Variants in ACER3 observed in about 807,000 individuals in gnomAD.
ACER3 encodes alkCDase 3.
ACER3 carries 16 observed loss-of-function variants against 48.9 expected under a neutral mutation model. The ratio of observed to expected loss-of-function variants is 0.33; its 90% confidence interval spans 0.22 to 0.50. The LOEUF is 0.50. ACER3 is among the 20% of genes least tolerant of loss of function. The pLI, the probability that ACER3 is intolerant of heterozygous loss-of-function variation, is 0.98. For missense variants in ACER3, 227 were observed against 326.0 expected (o/e 0.70, Z 2.34); for synonymous variants, 109 against 107.8 (o/e 1.01, Z -0.07).
rs79316237 is a variant in ACER3, at chr11:76,985,680, C to T, written c.358C>T (p.His120Tyr). Reference sequence around the variant, plus strand: ...CAAGATCAAGAACTCAGTAAACTACCATCTGCTTTTTACCTTAGTTCTATT... The same window carrying T: ...CAAGATCAAGAACTCAGTAAACTACTATCTGCTTTTTACCTTAGTTCTATT... ...CFKIKNSVNY[H>Y]LLFTLVLFSL... is the part of the protein sequence containing the mutation. Residue 120 changes from histidine to tyrosine, a missense_variant, in exon 5 of 11, where the codon CAT (histidine) becomes TAT (tyrosine). Physicochemically the swap from His to Tyr is moderately conservative, Grantham distance 83 (BLOSUM62 2). Around this residue, in one of 3 missense-constraint regions of ACER3, gnomAD observed 195 missense variants for 290.8 expected, o/e 0.67. Transcript: ENST00000532485. 7.8e-5 allele frequency: 123 copies of T among 1,568,716 alleles called. 3 individuals carry two copies. The East Asian group carries it at 2.9e-3, about 37-fold the overall frequency.
intron 2 of ACER3, among the ~76,000 whole-genome samples, chr11:76,928,259 T>C (rs1213238303): frequency 2.0e-4 from 30 of 152,288 alleles, no homozygotes; most frequent in East Asian, 7.7e-4. Context: ...TAAATGTCTT[T>C]TTTTGAGAAG....
intron 3 of ACER3, among the ~76,000 whole-genome samples, chr11:76,967,837 A>G (rs568240582): frequency 6.6e-6 from 1 of 152,338 alleles, no homozygotes; most frequent in South Asian, 2.1e-4. Flanking sequence ...CCAATATCAT[A>G]CTGAATGGGC....
intron 1 of ACER3, among the ~76,000 whole-genome samples, chr11:76,901,801 T>C (rs188832730): frequency 6.6e-5 from 10 of 152,310 alleles, no homozygotes; most frequent in Admixed American, 6.5e-4. Context: ...CTGTAATCTA[T>C]AGATAACATA....
At chr11:76,951,659 T>G (rs1947672902) in intron 2 of ACER3, among the ~76,000 whole-genome samples, 1 of 152,186 alleles carries the variant, frequency 6.6e-6, no homozygotes, top group South Asian at 2.1e-4. Flanking sequence ...AATACTGGAT[T>G]ACCAAAGGAG....
chr11:76,866,186 C>G (rs542762759), intron 1 of ACER3, among the ~76,000 whole-genome samples: 1 of 152,182 alleles, frequency 6.6e-6, no homozygotes, highest in African/African-American at 2.4e-5. Context: ...TTATGGTTAG[C>G]TATTTCTTCT....
intron 3 of ACER3, among the ~76,000 whole-genome samples, chr11:76,976,023 G>T (rs781627786): frequency 6.6e-6 from 1 of 151,756 alleles, no homozygotes; most frequent in Non-Finnish European, 1.5e-5. Flanking sequence ...GGGACTACAG[G>T]CACATGCCAC....
chr11:76,950,995 T>C (rs1947651984), intron 2 of ACER3, among the ~76,000 whole-genome samples: 1 of 152,222 alleles, frequency 6.6e-6, no homozygotes. Context: ...CTTGCACTTC[T>C]GCCTTTTGAA....
At chr11:76,952,133 TATATATACACAC>T (rs1321743181) in intron 2 of ACER3, among the ~76,000 whole-genome samples, 1 of 99,370 alleles carries the variant, frequency 1.0e-5, no homozygotes, top group South Asian at 3.9e-4. Context: ...ATATTATATA[TATATATACACAC>T]ACACACACAC....
chr11:76,902,490 G>T (rs1033199455), intron 1 of ACER3, among the ~76,000 whole-genome samples: 2 of 152,118 alleles, frequency 1.3e-5, no homozygotes, highest in Admixed American at 6.6e-5. Context: ...TTTTACAATG[G>T]TCTTTACACT....
intron 7 of ACER3, among the ~76,000 whole-genome samples, chr11:77,007,701 T>C (rs1591063026): frequency 1.3e-5 from 2 of 152,178 alleles, no homozygotes; most frequent in African/African-American, 4.8e-5. Flanking sequence ...GCTCCTCACA[T>C]GGTCTCTAAG....
chr11:76,990,480 G>A lies in ACER3; in HGVS notation c.403-59G>A, dbSNP rs560206147. ...TGGGATTTGCAGAGTAATTGGAGTC[G>A]GTTTTTCCCCCCTTCATAATGTACT... is the stretch of plus-strand genomic sequence containing the variant. On this transcript the variant is annotated intron_variant, in intron 5 of 10. Coordinates refer to ENST00000532485, the MANE Select transcript of ACER3 (RefSeq NM_018367.7). The A allele has an allele frequency of 1.0e-4, 126 of 1,205,368 alleles. No individual in the cohort carries two copies. In the East Asian group the frequency reaches 1.4e-3, roughly 13 times the overall value. The allele number at this position is 1,205,368 out of a possible 1,614,324, so 74.7% of individuals were successfully genotyped here.
At chr11:76,916,457 GT>G (rs1565175098) in intron 1 of ACER3, among the ~76,000 whole-genome samples, 1 of 152,178 alleles carries the variant, frequency 6.6e-6, no homozygotes, top group East Asian at 1.9e-4. Flanking sequence ...ATAAATATCA[GT>G]TGATCAGATT....
intron 1 of ACER3, among the ~76,000 whole-genome samples, chr11:76,925,393 T>G (rs1283367455): frequency 6.6e-6 from 1 of 152,252 alleles, no homozygotes; most frequent in East Asian, 1.9e-4. Context: ...ATAACCTGAA[T>G]GTTTACAGTT....
chr11:77,009,679 C>T (rs1342430514), intron 7 of ACER3, among the ~76,000 whole-genome samples: 3 of 152,110 alleles, frequency 2.0e-5, no homozygotes, highest in Non-Finnish European at 4.4e-5. Context: ...GGTGTGGTGG[C>T]ACATACCTTT....
At position 76,882,553 on chromosome 11, in the gene ACER3, G is replaced by A. The variant is rs191167221; in HGVS notation, c.103+21474G>A. Among the ~76,000 whole-genome samples the A allele has an allele frequency of 2.1e-4, 32 of 152,094 alleles. No homozygotes were observed. The East Asian group carries it at 4.6e-3, about 22-fold the overall frequency. ...GCATATTTTATCTTAATTCCTTGAG[G>A]CTAGTTATAGCGATTTATTTAACAT... On this transcript the variant is annotated intron_variant, in intron 1 of 10. Coordinates refer to ENST00000532485, the MANE Select transcript of ACER3 (RefSeq NM_018367.7).
At chr11:76,921,448 A>G (rs1345199982) in intron 1 of ACER3, among the ~76,000 whole-genome samples, 1 of 152,208 alleles carries the variant, frequency 6.6e-6, no homozygotes, top group Non-Finnish European at 1.5e-5. Context: ...ATAAATATGC[A>G]GTTGATCCAG....
At chr11:76,972,039 G>A (rs542819759) in intron 3 of ACER3, among the ~76,000 whole-genome samples, 60 of 152,236 alleles carry the variant, frequency 3.9e-4, no homozygotes, top group African/African-American at 1.2e-3. Context: ...CCTCTGAATC[G>A]CTGTCCTGAA....
intron 6 of ACER3, among the ~76,000 whole-genome samples, chr11:76,998,039 A>T (rs1041129887): frequency 2.0e-5 from 3 of 152,172 alleles, no homozygotes; most frequent in Admixed American, 2.0e-4. Context: ...GACTGGGAAG[A>T]CACACATGCA....
At chr11:76,963,625 C>G (rs1948057959) in intron 3 of ACER3, among the ~76,000 whole-genome samples, 1 of 151,348 alleles carries the variant, frequency 6.6e-6, no homozygotes, top group Admixed American at 6.6e-5. Context: ...CAGCTTGGTC[C>G]ACACCCTGTT....
Sources: gnomAD v4.1 joint callset for allele counts (sites outside exome capture counted in the v4.1 genomes callset) on GRCh38, gnomAD v4.1.1 for gene constraint, gnomAD v4.1.1 regional missense constraint, MANE v1.5 for transcripts, NCBI Gene and HGNC (gene_info 2026-07-23, HGNC 2026-07-21) for gene names.